The following RORA variants were observed in gnomAD, a reference collection of about 807,000 sequenced individuals.
RORA encodes RAR related orphan receptor A, also known as nuclear receptor ROR-alpha.
A neutral mutation model predicts 69.5 loss-of-function variants in RORA; 7 were observed. The ratio of observed to expected loss-of-function variants is 0.10; its 90% CI spans 0.06 to 0.19. RORA has a LOEUF of 0.19. Ranked by LOEUF, RORA falls within the 10% of genes least tolerant of loss-of-function variation. The pLI is 1.00. For missense variants in RORA, 457 were observed against 663.0 expected, an observed-to-expected ratio of 0.69 and a Z score of 3.41; for synonymous variants, 261 against 240.8, an observed-to-expected ratio of 1.08 and a Z score of -0.78.
chr15:60,635,677 C>T, intron 2 of RORA, among the ~76,000 whole-genome samples: 1 of 152,102 alleles, frequency 6.6e-6, no homozygotes, highest in East Asian at 1.9e-4. Flanking sequence ...AGCTTTCATC[C>T]AAGGGTGCTA....
intron 1 of RORA, among the ~76,000 whole-genome samples, chr15:60,923,492 G>C (rs11071570): frequency 0.59 from 89,299 of 151,818 alleles, 26,849 homozygotes; most frequent in East Asian, 0.87. Flanking sequence ...GGAGACCTGA[G>C]GTCATCTAGG....
chr15:60,844,318 G>T (rs1398914926), intron 1 of RORA, among the ~76,000 whole-genome samples: 3 of 152,174 alleles, frequency 2.0e-5, no homozygotes, highest in African/African-American at 7.2e-5. Flanking sequence ...GGGAACAAAA[G>T]AATTACTACT....
At chr15:60,892,072 C>T (rs1428042255) in intron 1 of RORA, among the ~76,000 whole-genome samples, 1 of 152,182 alleles carries the variant, frequency 6.6e-6, no homozygotes, top group East Asian at 1.9e-4. Flanking sequence ...AGGCCTCATC[C>T]AGAATCCATT....
intron 1 of RORA, among the ~76,000 whole-genome samples, chr15:61,032,654 G>A (rs1896233970): frequency 2.6e-5 from 4 of 152,138 alleles, no homozygotes; most frequent in Admixed American, 2.6e-4. Flanking sequence ...AGAGGCCAAA[G>A]TTAAGTCTAA....
intron 1 of RORA, among the ~76,000 whole-genome samples, chr15:61,169,605 T>C (rs1206159099): frequency 6.6e-6 from 1 of 151,702 alleles, no homozygotes; most frequent in Non-Finnish European, 1.5e-5. Flanking sequence ...TGTTTCTTTA[T>C]TGTTGTCTGT....
chr15:61,157,867 C>T (rs1185291285), intron 1 of RORA, among the ~76,000 whole-genome samples: 2 of 152,078 alleles, frequency 1.3e-5, no homozygotes, highest in African/African-American at 4.8e-5. Flanking sequence ...GATAATCGCC[C>T]CATCCCTCAG....
chr15:61,003,137 A>G (rs536690260), intron 1 of RORA, among the ~76,000 whole-genome samples: 2 of 142,252 alleles, frequency 1.4e-5, no homozygotes, highest in South Asian at 4.2e-4. Flanking sequence ...CTCAGTCTCA[A>G]AAAAAAAAAA....
intron 9 of RORA, 127 bp from the exon 10 acceptor site, chr15:60,500,131 A>C: frequency 3.3e-6 from 2 of 598,956 alleles, no homozygotes; most frequent in Admixed American, 3.4e-5. Context: ...GGCCAGTTTC[A>C]CTCCTCTTTC....
chr15:60,865,722 A>G (rs1226233450), intron 1 of RORA, among the ~76,000 whole-genome samples: 1 of 152,180 alleles, frequency 6.6e-6, no homozygotes, highest in African/African-American at 2.4e-5. Context: ...CTTCCTGGAA[A>G]CAGCCCCTTC....
rs1187868537 is a variant in RORA, at chr15:60,492,848, T to TAAAG, written c.*4603_*4606dup. The TAAAG allele has an allele frequency of 1.3e-5, 2 of 151,872 alleles. No individual in the cohort carries two copies. The highest frequency in any genetic ancestry group is 4.8e-5 in the African/African-American group (2 of 41,350). 9.4% of individuals were successfully genotyped at this position (151,872 alleles called of 1,614,324 possible). A position where few individuals can be genotyped will look rare whatever the true frequency, so the allele number is the denominator to read the frequency against. On this transcript the variant is annotated 3_prime_UTR_variant, in exon 11 of 11. Transcript: ENST00000335670. ...TAAACTCAACAAAATGAGACGAGAG[T>TAAAG]AAAGAGTTTACACACACGCAGTTCT...
intron 1 of RORA, among the ~76,000 whole-genome samples, chr15:60,806,288 G>A (rs920622902): frequency 3.9e-5 from 6 of 152,156 alleles, no homozygotes; most frequent in Non-Finnish European, 5.9e-5. Flanking sequence ...CAAGGTGCCC[G>A]AGTGAAAAGC....
chr15:61,168,503 C>A (rs1174967786), intron 1 of RORA, among the ~76,000 whole-genome samples: 1 of 152,104 alleles, frequency 6.6e-6, no homozygotes, highest in Non-Finnish European at 1.5e-5. Flanking sequence ...AAGTTATCTG[C>A]CCACCTCGGC....
chr15:60,574,125 G>C (rs537328055), intron 2 of RORA, among the ~76,000 whole-genome samples: 2 of 152,322 alleles, frequency 1.3e-5, no homozygotes, highest in African/African-American at 4.8e-5. Context: ...TCAGAACAGA[G>C]CAGGGTTAGC....
At chr15:61,141,014 A>G (rs903204409) in intron 1 of RORA, among the ~76,000 whole-genome samples, 12 of 152,010 alleles carry the variant, frequency 7.9e-5, no homozygotes, top group African/African-American at 2.9e-4. Context: ...AATCCTACCA[A>G]CTTCCATTCT....
intron 1 of RORA, among the ~76,000 whole-genome samples, chr15:60,700,104 G>C (rs990297684): frequency 5.3e-5 from 8 of 152,178 alleles, no homozygotes; most frequent in African/African-American, 1.4e-4. Flanking sequence ...GAGAAGTAGT[G>C]GGGGAGAGGA....
At chr15:60,794,185 T>C (rs1567193591) in intron 1 of RORA, among the ~76,000 whole-genome samples, 2 of 152,296 alleles carry the variant, frequency 1.3e-5, no homozygotes, top group East Asian at 3.9e-4. Context: ...TATTTACAAA[T>C]ACTGGCATAA....
chr15:61,154,531 C>A (rs1259995394), intron 1 of RORA, among the ~76,000 whole-genome samples: 1 of 152,158 alleles, frequency 6.6e-6, no homozygotes, highest in African/African-American at 2.4e-5. Flanking sequence ...CAGTCACAGA[C>A]AGGTCACAGA....
At chr15:60,898,314 G>A (rs1255821201) in intron 1 of RORA, among the ~76,000 whole-genome samples, 1 of 152,044 alleles carries the variant, frequency 6.6e-6, no homozygotes. Context: ...CACAGGCTTT[G>A]TTCTAGGTTG....
chr15:61,105,853 T>C (rs575097897), intron 1 of RORA, among the ~76,000 whole-genome samples: 7 of 152,364 alleles, frequency 4.6e-5, no homozygotes, highest in African/African-American at 1.7e-4. Context: ...TAGGTAATTA[T>C]TAGCTCCACT....
Sources: allele counts gnomAD v4.1 joint callset (sites outside exome capture counted in the v4.1 genomes callset), GRCh38; gene constraint gnomAD v4.1.1; transcripts MANE v1.5; gene names NCBI Gene and HGNC (gene_info 2026-07-23, HGNC 2026-07-21).